The following MYOM2 variants were observed in gnomAD, a reference collection of about 807,000 sequenced individuals.
MYOM2 encodes the protein myomesin 2.
A neutral mutation model predicts 187.6 loss-of-function variants in MYOM2; 254 were observed. The ratio of observed to expected loss-of-function variants is 1.35; its 90% confidence interval spans 1.22 to 1.50. The LOEUF is 1.50. MYOM2 is among the 40% of genes most tolerant of loss of function. The pLI is 0.00. For synonymous variants in MYOM2, 981 were observed against 753.8 expected, an observed-to-expected ratio of 1.30 and a Z score of -4.94; for missense variants, 2,796 against 1,924.0, an observed-to-expected ratio of 1.45 and a Z score of -8.48.
intron 30 of MYOM2, 34 bp from the exon 31 acceptor site, chr8:2,124,145 T>C (rs1329792336): frequency 1.9e-6 from 3 of 1,596,744 alleles, no homozygotes; most frequent in East Asian, 2.2e-5. Flanking sequence ...TAAAGTTACA[T>C]GTCGTAATGG....
At chr8:2,051,039 T>C (rs1462040992) in intron 2 of MYOM2, among the ~76,000 whole-genome samples, 166 bp downstream of exon 2, 10 of 151,812 alleles carry the variant, frequency 6.6e-5, no homozygotes, top group Non-Finnish European at 1.5e-4. Flanking sequence ...GGAGCAGCAC[T>C]CTGTGGAGCT....
At chr8:2,072,094 TG>T (rs544210994) in intron 8 of MYOM2, among the ~76,000 whole-genome samples, 72 of 152,140 alleles carry the variant, frequency 4.7e-4, no homozygotes, top group Non-Finnish European at 9.4e-4. Flanking sequence ...GACGTGCTTT[TG>T]CGGTGACGGT....
chr8:2,119,189 G>C (rs1797343959), intron 28 of MYOM2: 1 of 152,394 alleles, frequency 6.6e-6, no homozygotes, highest in Non-Finnish European at 1.5e-5. Context: ...GGATTCATGA[G>C]ATATCGTGTG....
chr8:2,072,274 G>C (rs1011644562), intron 8 of MYOM2, 71 bp from the exon 9 acceptor site: 9 of 1,253,044 alleles, frequency 7.2e-6, no homozygotes, highest in Non-Finnish European at 9.3e-6. Context: ...TCTGCCCTTC[G>C]GCCATGAAAG....
At chr8:2,143,487 GT>G in intron 36 of MYOM2, 31 bp downstream of exon 36, 1 of 1,613,766 alleles carries the variant, frequency 6.2e-7, no homozygotes, top group South Asian at 1.1e-5. Flanking sequence ...CGGGGTGGGG[GT>G]GTCAGCACGG....
chr8:2,120,435 G>C (rs1797385577), intron 28 of MYOM2, among the ~76,000 whole-genome samples: 1 of 151,240 alleles, frequency 6.6e-6, no homozygotes, highest in Admixed American at 6.6e-5. Flanking sequence ...CTGCCGTGAA[G>C]AGCAAGTGCG....
intron 14 of MYOM2, among the ~76,000 whole-genome samples, chr8:2,087,852 A>G (rs1796148720): frequency 1.3e-5 from 2 of 152,038 alleles, no homozygotes; most frequent in African/African-American, 4.8e-5. Context: ...AATTCCTGGC[A>G]CAAGCAATCT....
Position 2,050,827 on chromosome 8 carries a change from C to A in MYOM2, c.61C>A (p.Arg21Ser). Residue 21 changes from arginine (R) to serine (S), a missense_variant, in exon 2 of 37, where the codon CGT (arginine) becomes AGT (serine). Arg to Ser is a moderately radical substitution (Grantham distance 110). Transcript: ENST00000262113. ...KRHRHFDQSY[R>S]NIQTRYLLDE... ...ACATAGGCACTTCGACCAGTCCTAC[C>A]GTAATATTCAAACACGGTACCTGCT... 6.2e-7 allele frequency: 1 copy of A among 1,613,384 alleles called. No individual in the cohort carries two copies. The highest frequency in any genetic ancestry group is 8.5e-7 in the Non-Finnish European group (1 of 1,179,366).
rs1252058509 is a variant in MYOM2 at position 2,117,795 on chromosome 8, A to T, written c.3386-90A>T. The T allele has an allele frequency of 2.7e-5, 21 of 789,486 alleles. No individual in the cohort carries two copies. The East Asian group carries it at 5.7e-4, about 21-fold the overall frequency. 48.9% of individuals were successfully genotyped at this position (789,486 alleles called of 1,614,324 possible). On this transcript the variant is annotated intron_variant, in intron 27 of 36. Coordinates refer to ENST00000262113, the MANE Select transcript of MYOM2 (RefSeq NM_003970.4). ...TGTATTATATATACACACCATGCAT[A>T]TATGTGTGGGTATATATATATAATA...
intron 2 of MYOM2, 130 bp from the exon 3 acceptor site, chr8:2,052,028 T>G: frequency 9.4e-7 from 1 of 1,069,458 alleles, no homozygotes. Context: ...TGCCTGTGCA[T>G]GTGTGTGTTT....
chr8:2,059,200 A>G lies in MYOM2; in HGVS notation c.608A>G (p.Tyr203Cys). Residue 203 changes from tyrosine (Y) to cysteine (C), a missense_variant, in exon 6 of 37, where the codon TAC becomes TGC. By Grantham distance (194) the Tyr-to-Cys change is radical (BLOSUM62 -2). Coordinates refer to ENST00000262113, the MANE Select transcript of MYOM2 (RefSeq NM_003970.4). The part of the protein sequence containing the change: ...LICQAAEPGK[Y>C]RIESNYGVHT... ...TGCCAGGCGGCTGAACCGGGAAAGT[A>G]CAGGATTGAGAGCAACTATGGCGTA... The G allele has an allele frequency of 6.2e-7, 1 of 1,614,232 alleles. No individual in the cohort carries two copies. Among genetic ancestry groups the G allele is most frequent in the Non-Finnish European group, 8.5e-7 (1 of 1,180,040 alleles).
chr8:2,070,008 C>G (rs1038229772), intron 8 of MYOM2, among the ~76,000 whole-genome samples: 3 of 152,144 alleles, frequency 2.0e-5, no homozygotes, highest in African/African-American at 7.2e-5. Context: ...GTCCAGAGAC[C>G]CGCCCCAGGC....
chr8:2,101,081 C>G, intron 20 of MYOM2, 27 bp downstream of exon 20: 1 of 1,610,836 alleles, frequency 6.2e-7, no homozygotes, highest in South Asian at 1.1e-5. Context: ...TGTGGTGGCT[C>G]ATGCCTGTAA....
At chr8:2,117,974 G>C (rs768627516) in intron 28 of MYOM2, 22 bp downstream of exon 28, 1 of 1,605,492 alleles carries the variant, frequency 6.2e-7, no homozygotes, top group Admixed American at 1.7e-5. Context: ...GGTTCTAACA[G>C]GAAAACAATA....
At chr8:2,094,423 G>T (rs1423283221) in intron 17 of MYOM2, among the ~76,000 whole-genome samples, 1 of 152,208 alleles carries the variant, frequency 6.6e-6, no homozygotes, top group Non-Finnish European at 1.5e-5. Context: ...GGAGGCCAAG[G>T]TGGCTGGATC....
At chr8:2,051,491 G>A (rs112259090) in intron 2 of MYOM2, among the ~76,000 whole-genome samples, 4,733 of 152,300 alleles carry the variant, frequency 0.031, 254 homozygotes, top group African/African-American at 0.1. Context: ...GGGAGGGACC[G>A]CGGGCAGGCG....
At chr8:2,106,445 T>G (rs1426747634) in intron 22 of MYOM2, 46 bp from the exon 23 acceptor site, 2 of 1,610,524 alleles carry the variant, frequency 1.2e-6, no homozygotes, top group Admixed American at 3.3e-5. Flanking sequence ...TAGAAGTTCC[T>G]GCAAACAGAA....
intron 13 of MYOM2, among the ~76,000 whole-genome samples, chr8:2,081,457 C>T (rs1464085182): frequency 2.0e-5 from 3 of 152,354 alleles, no homozygotes. Context: ...AACAGGCAGT[C>T]CCCCTTCTCA....
intron 6 of MYOM2, among the ~76,000 whole-genome samples, chr8:2,062,601 C>T (rs989470857): frequency 6.6e-6 from 1 of 152,130 alleles, no homozygotes; most frequent in Non-Finnish European, 1.5e-5. Flanking sequence ...GGGGCCCTCT[C>T]CAAGTTTTTC....
Sources: gnomAD v4.1 joint callset for allele counts (sites outside exome capture counted in the v4.1 genomes callset) on GRCh38, gnomAD v4.1.1 for gene constraint, MANE v1.5 for transcripts, NCBI Gene and HGNC (gene_info 2026-07-23, HGNC 2026-07-21) for gene names.